The following NVL variants were observed in gnomAD, a reference collection of about 807,000 sequenced individuals.
NVL encodes nuclear valosin-containing protein-like.
A neutral mutation model predicts 110.2 loss-of-function variants in NVL; 84 were observed. The ratio of observed to expected loss-of-function variants is 0.76; its 90% CI spans 0.64 to 0.91. NVL has a LOEUF of 0.91. Ranked by LOEUF, NVL falls within the 40% of genes least tolerant of loss-of-function variation. The probability of loss-of-function intolerance (pLI) is 0.00; values close to 1 mark genes in which losing one functional copy is unlikely to be tolerated. For missense variants in NVL, 882 were observed against 1,035.9 expected (o/e 0.85, Z 2.04); for synonymous variants, 354 against 361.1 (o/e 0.98, Z 0.22).
chr1:224,288,089 T>C (rs1667039198), intron 13 of NVL, 96 bp from the exon 14 acceptor site: 1 of 866,318 alleles, frequency 1.2e-6, no homozygotes, highest in Non-Finnish European at 1.8e-6. Flanking sequence ...TACTGTAATA[T>C]TTCCGTAAGC....
At chr1:224,306,029 T>C (rs1000436623) in intron 6 of NVL, among the ~76,000 whole-genome samples, 2 of 152,366 alleles carry the variant, frequency 1.3e-5, no homozygotes, top group African/African-American at 4.8e-5. Flanking sequence ...TCTATATAGT[T>C]GTCTTCATCT....
At chr1:224,274,060 C>CACACACACACA (rs1553317811) in intron 17 of NVL, among the ~76,000 whole-genome samples, 5 of 12,480 alleles carry the variant, frequency 4.0e-4, no homozygotes, top group Non-Finnish European at 6.3e-4. Flanking sequence ...ACACACACAC[C>CACACACACACA]CATATTGAAA....
rs981175833 is a variant in NVL at position 224,297,068 on chromosome 1, C to G, written c.1063-450G>C. Among the ~76,000 whole-genome samples the G allele has an allele frequency of 3.3e-5, 5 of 152,290 alleles. No individual in the cohort carries two copies. In the South Asian group the frequency reaches 1.0e-3, roughly 32 times the overall value. ...CTAACGTAAGAATCTCCAAGTCTTT[C>G]CCTATAATTTGCTATAAGAGGAAAT... is the stretch of plus-strand genomic sequence containing the variant. On this transcript the variant is annotated intron_variant, in intron 10 of 22. Transcript: ENST00000281701.
chr1:224,325,212 A>C (rs1301330011), intron 2 of NVL, among the ~76,000 whole-genome samples: 1 of 151,480 alleles, frequency 6.6e-6, no homozygotes, highest in East Asian at 1.9e-4. Flanking sequence ...CAGTGAGCCG[A>C]GATCGCGCCA....
chr1:224,238,379 G>A (rs1479723399), intron 19 of NVL, among the ~76,000 whole-genome samples: 1 of 152,154 alleles, frequency 6.6e-6, no homozygotes, highest in Non-Finnish European at 1.5e-5. Flanking sequence ...AAGTGCTCCA[G>A]GCACAGGGTT....
intron 17 of NVL, among the ~76,000 whole-genome samples, chr1:224,274,745 A>G (rs569751005): frequency 2.6e-5 from 4 of 152,344 alleles, no homozygotes; most frequent in South Asian, 4.1e-4. Flanking sequence ...ATTGTTATAC[A>G]ATAGCACTCC....
chr1:224,289,911 T>A (rs570681035), intron 12 of NVL, among the ~76,000 whole-genome samples, 178 bp from the exon 13 acceptor site: 1 of 152,338 alleles, frequency 6.6e-6, no homozygotes, highest in South Asian at 2.1e-4. Context: ...TCCATCTTAT[T>A]CCAGAAAGGA....
intron 14 of NVL, 69 bp downstream of exon 14, chr1:224,287,706 T>C (rs889591180): frequency 5.3e-6 from 7 of 1,313,230 alleles, no homozygotes; most frequent in Non-Finnish European, 7.6e-6. Flanking sequence ...CTAGTACACA[T>C]GCATGGAGCT....
At chr1:224,286,218 T>TC (rs1666848144) in intron 14 of NVL, 88 bp from the exon 15 acceptor site, 7 of 984,362 alleles carry the variant, frequency 7.1e-6, no homozygotes, top group Non-Finnish European at 1.0e-5. Flanking sequence ...TTTTATGGTT[T>TC]TTTTTTTTTT....
intron 18 of NVL, among the ~76,000 whole-genome samples, chr1:224,264,530 T>C (rs960124425): frequency 5.9e-5 from 9 of 152,096 alleles, no homozygotes; most frequent in African/African-American, 2.2e-4. Flanking sequence ...TGTGAGTCAC[T>C]GCATCCAGCC....
At chr1:224,249,988 C>T (rs552766663) in intron 19 of NVL, among the ~76,000 whole-genome samples, 25 of 152,142 alleles carry the variant, frequency 1.6e-4, no homozygotes, top group Non-Finnish European at 3.1e-4. Flanking sequence ...TCCCAAAGTG[C>T]CAGTTTCTCC....
chr1:224,242,115 G>A (rs1054576079), intron 19 of NVL, among the ~76,000 whole-genome samples: 1 of 152,124 alleles, frequency 6.6e-6, no homozygotes, highest in Non-Finnish European at 1.5e-5. Context: ...CATAGAGACA[G>A]AAAGTAGAAT....
intron 18 of NVL, among the ~76,000 whole-genome samples, chr1:224,251,003 G>A (rs1662416981): frequency 6.6e-6 from 1 of 151,830 alleles, no homozygotes; most frequent in Non-Finnish European, 1.5e-5. Context: ...GCTGGGCGCG[G>A]GGGCTCACAC....
chr1:224,239,616 T>C (rs1291847413), intron 19 of NVL, among the ~76,000 whole-genome samples: 1 of 152,202 alleles, frequency 6.6e-6, no homozygotes, highest in Non-Finnish European at 1.5e-5. Context: ...TCCAGTGCCC[T>C]GTTTTAATCA....
In NVL at chr1:224,256,912, A is replaced by G. The variant is rs1312714969; in HGVS notation, c.2183-6594T>C. 3 of 438,752 alleles carry G rather than the reference A, an allele frequency of 6.8e-6. No homozygotes were observed. The East Asian group carries it at 2.2e-4, about 32-fold the overall frequency. The allele number at this position is 438,752 out of a possible 1,614,324, so 27.2% of individuals were successfully genotyped here. Reference sequence around the variant, plus strand: ...CAAATCAGGTCAACCCTATGACACAATATATTCAGATTCCTTCTACATCCA... The same window carrying G: ...CAAATCAGGTCAACCCTATGACACAGTATATTCAGATTCCTTCTACATCCA... On this transcript the variant is annotated intron_variant, in intron 18 of 22. Transcript: ENST00000281701.
intron 17 of NVL, among the ~76,000 whole-genome samples, chr1:224,271,653 C>CCA (rs1206640246): frequency 1.0e-3 from 152 of 152,236 alleles, no homozygotes; most frequent in Admixed American, 3.3e-3. Flanking sequence ...AATTTACTCT[C>CCA]TTTATACTTG....
chr1:224,280,145 G>T lies in NVL; in HGVS notation c.1962+978C>A, dbSNP rs1310794719. Among the ~76,000 whole-genome samples, 3 of 150,322 alleles carry T rather than the reference G, an allele frequency of 2.0e-5. No homozygotes were observed. In the East Asian group the frequency reaches 5.8e-4, roughly 29 times the overall value. On this transcript the variant is annotated intron_variant, in intron 16 of 22. Coordinates refer to ENST00000281701, the MANE Select transcript of NVL (RefSeq NM_002533.4). ...CAGGGAACATCATGAGGGAGGGTTT[G>T]CAAGAAGCTTTAAGTGTACTGCTGT...
chr1:224,293,737 A>C (rs1315436982), intron 12 of NVL, among the ~76,000 whole-genome samples: 2 of 152,244 alleles, frequency 1.3e-5, no homozygotes, highest in Non-Finnish European at 2.9e-5. Context: ...CAGACAAATG[A>C]GTATGGATAC....
At chr1:224,266,361 G>A (rs896960013) in intron 18 of NVL, among the ~76,000 whole-genome samples, 3 of 152,196 alleles carry the variant, frequency 2.0e-5, no homozygotes, top group Non-Finnish European at 4.4e-5. Context: ...AATGTCCAAA[G>A]ATAGGGTAAA....
Sources: gnomAD v4.1 joint callset for allele counts (sites outside exome capture counted in the v4.1 genomes callset) on GRCh38, gnomAD v4.1.1 for gene constraint, MANE v1.5 for transcripts, NCBI Gene and HGNC (gene_info 2026-07-23, HGNC 2026-07-21) for gene names.